The following RHOBTB3 variants were observed in gnomAD, a reference collection of about 807,000 sequenced individuals.
The protein encoded by RHOBTB3 is Rho related BTB domain containing 3.
RHOBTB3 carries 47 observed loss-of-function variants against 67.2 expected under a neutral mutation model. That is an observed-to-expected ratio of 0.70 (90% CI 0.55 to 0.89). The LOEUF is 0.89. Among genes scored for constraint, RHOBTB3 ranks in the 40% least tolerant of loss-of-function variants. The pLI is 0.00. For missense variants in RHOBTB3, 631 were observed against 750.0 expected, an observed-to-expected ratio of 0.84 and a Z score of 1.85; for synonymous variants, 273 against 274.2, an observed-to-expected ratio of 1.00 and a Z score of 0.04.
chr5:95,761,330 CT>C (rs1443503553), intron 6 of RHOBTB3, among the ~76,000 whole-genome samples: 1 of 147,610 alleles, frequency 6.8e-6, no homozygotes, highest in Non-Finnish European at 1.5e-5. Flanking sequence ...AATTTCTTTC[CT>C]TTTTCCTCTT....
intron 10 of RHOBTB3, among the ~76,000 whole-genome samples, 156 bp downstream of exon 10, chr5:95,784,119 G>A (rs1262679626): frequency 6.6e-6 from 1 of 152,188 alleles, no homozygotes; most frequent in East Asian, 1.9e-4. Context: ...CAGTTTATCT[G>A]GCTAGATAAT....
chr5:95,754,199 G>T (rs1375722602), intron 5 of RHOBTB3, among the ~76,000 whole-genome samples: 1 of 152,212 alleles, frequency 6.6e-6, no homozygotes, highest in East Asian at 1.9e-4. Flanking sequence ...TTCAGGAAAT[G>T]CAGCCTCAGC....
chr5:95,764,624 ATAAG>A (rs1745489994), intron 7 of RHOBTB3, among the ~76,000 whole-genome samples: 1 of 152,188 alleles, frequency 6.6e-6, no homozygotes, highest in Admixed American at 6.5e-5. Flanking sequence ...GCTGCAGTAG[ATAAG>A]TAAGGTAAGT....
intron 6 of RHOBTB3, among the ~76,000 whole-genome samples, chr5:95,762,658 C>T (rs1050321511): frequency 1.3e-5 from 2 of 152,024 alleles, no homozygotes; most frequent in African/African-American, 4.8e-5. Flanking sequence ...AGGATGGATG[C>T]GTGTAATCTC....
Position 95,795,331 on chromosome 5 carries a change from A to G in RHOBTB3, c.*2157A>G, listed in dbSNP as rs982157806. ...TACTGTGGTAGATTTCTAGAAATTC[A>G]TTCACATTTAAGACTTCTAAAATGG... On this transcript the variant is annotated 3_prime_UTR_variant, in exon 12 of 12. Coordinates refer to ENST00000379982, the MANE Select transcript of RHOBTB3 (RefSeq NM_014899.4). The G allele has an allele frequency of 2.6e-5, 4 of 152,240 alleles. No individual in the cohort carries two copies. Among genetic ancestry groups the G allele is most frequent in the East Asian group, 3.8e-4 (2 of 5,204 alleles). The allele number at this position is 152,240 out of a possible 1,614,324, so 9.4% of individuals were successfully genotyped here. A position where few individuals can be genotyped will look rare whatever the true frequency, so the allele number is the denominator to read the frequency against.
At chr5:95,784,202 C>A (rs1391735829) in intron 10 of RHOBTB3, among the ~76,000 whole-genome samples, 2 of 152,084 alleles carry the variant, frequency 1.3e-5, no homozygotes, top group Non-Finnish European at 2.9e-5. Context: ...ATTTTTTTAA[C>A]TAAATAGTGG....
intron 8 of RHOBTB3, chr5:95,770,366 T>A: frequency 4.0e-6 from 1 of 247,830 alleles, no homozygotes; most frequent in Non-Finnish European, 8.4e-6. Flanking sequence ...TTGGACTCAT[T>A]AACTCCAACT....
intron 10 of RHOBTB3, 86 bp downstream of exon 10, chr5:95,784,049 A>C: frequency 9.4e-7 from 1 of 1,060,056 alleles, no homozygotes; most frequent in Non-Finnish European, 1.3e-6. Flanking sequence ...ATTTTTTAAC[A>C]TACGTTAATA....
In RHOBTB3 at chr5:95,731,608, G is replaced by T; in HGVS notation, c.-75G>T. ...GGATGAGCGGATTGCGGGTGAACTC[G>T]CCGCCCGGGGGCCCCGCGAAGCCGT... On this transcript the variant is annotated 5_prime_UTR_variant, in exon 1 of 12. Coordinates refer to ENST00000379982, the MANE Select transcript of RHOBTB3 (RefSeq NM_014899.4). 6.3e-7 allele frequency: 1 copy of T among 1,597,194 alleles called. No individual in the cohort carries two copies. Among genetic ancestry groups the T allele is most frequent in the Non-Finnish European group, 8.5e-7 (1 of 1,172,580 alleles).
chr5:95,747,164 G>T (rs1744945700), intron 3 of RHOBTB3, among the ~76,000 whole-genome samples: 1 of 151,876 alleles, frequency 6.6e-6, no homozygotes, highest in African/African-American at 2.4e-5. Context: ...CTCAGCCCTT[G>T]TCTGATTGCT....
chr5:95,746,357 C>T (rs1485533422), intron 3 of RHOBTB3, among the ~76,000 whole-genome samples: 1 of 152,076 alleles, frequency 6.6e-6, no homozygotes, highest in Non-Finnish European at 1.5e-5. Flanking sequence ...GCTACCCACT[C>T]CATTCCATCA....
At chr5:95,788,710 A>G (rs377307788) in intron 10 of RHOBTB3, 52 bp from the exon 11 acceptor site, 1 of 1,207,574 alleles carries the variant, frequency 8.3e-7, no homozygotes, top group Non-Finnish European at 1.2e-6. Context: ...TGATCTTATC[A>G]TACCAGTGGC....
Position 95,784,019 on chromosome 5 carries a change from A to T in RHOBTB3, c.1623+56A>T, listed in dbSNP as rs1368125222. ...TTTTTTATAAAATATTTTTCAAATT[A>T]TACTATTTTAAAATTTATCATTTTT... On this transcript the variant is annotated intron_variant, in intron 10 of 11. Transcript: ENST00000379982. 3 of 1,351,894 alleles carry T rather than the reference A, an allele frequency of 2.2e-6. No homozygotes were observed. The African/African-American group carries it at 4.4e-5, about 20-fold the overall frequency. 83.7% of individuals were successfully genotyped at this position (1,351,894 alleles called of 1,614,324 possible). A position where few individuals can be genotyped will look rare whatever the true frequency, so the allele number is the denominator to read the frequency against.
chr5:95,751,206 C>T (rs956193965), intron 4 of RHOBTB3: 4 of 152,098 alleles, frequency 2.6e-5, no homozygotes, highest in Non-Finnish European at 5.9e-5. Flanking sequence ...TTTCCTGGCT[C>T]ATGGGAACAT....
intron 10 of RHOBTB3, among the ~76,000 whole-genome samples, chr5:95,785,585 C>T (rs1399722239): frequency 1.3e-5 from 2 of 149,606 alleles, no homozygotes; most frequent in East Asian, 1.9e-4. Flanking sequence ...CAGAGTGAGA[C>T]TCCGTCTCAA....
In RHOBTB3 at chr5:95,755,675, C is replaced by A. The variant is rs528922224; in HGVS notation, c.962C>A (p.Ser321Tyr). ...GCATTTCCAGGTGCTAGCCATGAAT[C>A]TTCAGGCAACCCACCATTACGAGTC... ...DTAFPGASHE[S>Y]SGNPPLRVIV... Residue 321 changes from serine to tyrosine, a missense_variant, in exon 6 of 12, where the codon TCT becomes TAT. By Grantham distance (144) the Ser-to-Tyr change is moderately radical. Coordinates refer to ENST00000379982, the MANE Select transcript of RHOBTB3 (RefSeq NM_014899.4). 80 of 1,614,152 alleles carry A rather than the reference C, an allele frequency of 5.0e-5. No homozygotes were observed. In the South Asian group the frequency reaches 8.0e-4, roughly 16 times the overall value.
At chr5:95,725,533 T>A (rs1053623204) in intron 1 of RHOBTB3, among the ~76,000 whole-genome samples, 1 of 152,400 alleles carries the variant, frequency 6.6e-6, no homozygotes, top group South Asian at 2.1e-4. Flanking sequence ...GTTCTCATTT[T>A]TGACCTGAGA....
intron 6 of RHOBTB3, 169 bp downstream of exon 6, chr5:95,755,930 G>T: frequency 3.2e-6 from 2 of 618,080 alleles, no homozygotes; most frequent in South Asian, 2.7e-5. Flanking sequence ...ATTGGTCCAA[G>T]CTTTCTGTTT....
At chr5:95,777,227 G>A (rs1423498728) in intron 8 of RHOBTB3, among the ~76,000 whole-genome samples, 1 of 152,112 alleles carries the variant, frequency 6.6e-6, no homozygotes, top group Non-Finnish European at 1.5e-5. Context: ...TACATATTTT[G>A]GATCTCTCTT....
Sources: gnomAD v4.1 joint callset for allele counts (sites outside exome capture counted in the v4.1 genomes callset) on GRCh38, gnomAD v4.1.1 for gene constraint, MANE v1.5 for transcripts, NCBI Gene and HGNC (gene_info 2026-07-23, HGNC 2026-07-21) for gene names.